Variants in XKR4 observed in about 807,000 individuals in gnomAD.
XKR4 encodes XK related 4, also known as XK-related protein 4.
A neutral mutation model predicts 53.9 loss-of-function variants in XKR4; 12 were observed. The observed-to-expected ratio is 0.22, with a 90% CI of 0.14 to 0.36. The LOEUF (loss-of-function observed/expected upper bound fraction) is 0.36, where lower values mean the gene tolerates loss of function less well. XKR4 is among the 10% of genes least tolerant of loss of function. The pLI, the probability that XKR4 is intolerant of heterozygous loss-of-function variation, is 1.00. For missense variants in XKR4, 799 were observed against 859.5 expected, an observed-to-expected ratio of 0.93 and a Z score of 0.88; for synonymous variants, 354 against 362.4, an observed-to-expected ratio of 0.98 and a Z score of 0.26.
chr8:55,461,183 G>A (rs1345539189), intron 2 of XKR4, among the ~76,000 whole-genome samples: 1 of 152,228 alleles, frequency 6.6e-6, no homozygotes, highest in East Asian at 1.9e-4. Flanking sequence ...CTCCTCAAGT[G>A]GGTCCCTGAA....
chr8:55,380,275 G>GA (rs1477369318), intron 2 of XKR4, among the ~76,000 whole-genome samples: 1 of 152,142 alleles, frequency 6.6e-6, no homozygotes, highest in Admixed American at 6.5e-5. Context: ...GGCATCCTGG[G>GA]AAAAAAATCA....
In XKR4 at chr8:55,141,671, C is replaced by CTCTCTCTCTCTCTCTG. The variant is rs748708972; in HGVS notation, c.806+38378_806+38379insCTCTCTCTCTCTCTGT. ...TCTCTCTCTCTCTCTCTCTCTCTCT[C>CTCTCTCTCTCTCTCTG]TGTGTGTGTGTGTGTGTGTCTCTCT... On this transcript the variant is annotated intron_variant, in intron 1 of 2. Transcript: ENST00000327381. Among the ~76,000 whole-genome samples the CTCTCTCTCTCTCTCTG allele has an allele frequency of 2.9e-3, 388 of 135,176 alleles. 5 individuals carry two copies. The highest frequency in any genetic ancestry group is 7.1e-3 in the East Asian group (32 of 4,486). The allele number at this position is 135,176 out of a possible 152,430, so 88.7% of individuals were successfully genotyped here.
chr8:55,451,066 G>A (rs916302406), intron 2 of XKR4: 3 of 521,932 alleles, frequency 5.7e-6, no homozygotes, highest in African/African-American at 3.8e-5. Context: ...AGCTCTCACT[G>A]CTGCAAGGGG....
intron 2 of XKR4, among the ~76,000 whole-genome samples, chr8:55,489,125 C>T (rs964155146): frequency 5.3e-5 from 8 of 152,046 alleles, no homozygotes; most frequent in Admixed American, 3.9e-4. Flanking sequence ...AGAGTAAACC[C>T]TAATGTAAAC....
chr8:55,211,940 C>A (rs1329435058), intron 1 of XKR4, among the ~76,000 whole-genome samples: 1 of 152,132 alleles, frequency 6.6e-6, no homozygotes, highest in East Asian at 1.9e-4. Flanking sequence ...CATAAGACAT[C>A]AGTCAATACA....
intron 1 of XKR4, among the ~76,000 whole-genome samples, chr8:55,259,005 G>A (rs907985522): frequency 2.0e-5 from 3 of 152,242 alleles, no homozygotes; most frequent in African/African-American, 7.2e-5. Flanking sequence ...ACAGAAGAAA[G>A]ACAGGCTCAA....
At chr8:55,240,521 A>G (rs1204312002) in intron 1 of XKR4, among the ~76,000 whole-genome samples, 1 of 152,206 alleles carries the variant, frequency 6.6e-6, no homozygotes, top group African/African-American at 2.4e-5. Context: ...CAGAGAGAAC[A>G]TGATCAAGTG....
At chr8:55,289,239 G>T (rs1273634364) in intron 1 of XKR4, among the ~76,000 whole-genome samples, 1 of 152,050 alleles carries the variant, frequency 6.6e-6, no homozygotes, top group East Asian at 1.9e-4. Flanking sequence ...TGCCAGGCCA[G>T]TTGAGGTGGC....
chr8:55,258,228 AG>A (rs986678858), intron 1 of XKR4, among the ~76,000 whole-genome samples: 1 of 152,230 alleles, frequency 6.6e-6, no homozygotes, highest in African/African-American at 2.4e-5. Context: ...GGAAAGCGAC[AG>A]ACAGGTTTTA....
chr8:55,422,079 A>G (rs1804943594), intron 2 of XKR4, among the ~76,000 whole-genome samples: 1 of 152,232 alleles, frequency 6.6e-6, no homozygotes, highest in Non-Finnish European at 1.5e-5. Flanking sequence ...TACAAGACTA[A>G]AATATTAGTG....
intron 1 of XKR4, among the ~76,000 whole-genome samples, chr8:55,247,002 A>G (rs1482125548): frequency 6.6e-6 from 1 of 152,222 alleles, no homozygotes; most frequent in African/African-American, 2.4e-5. Flanking sequence ...AGTCATGACA[A>G]AGCCAAGCCA....
rs541918628 is a variant in XKR4, at chr8:55,235,253, G to T, written c.807-122425G>T. Among the ~76,000 whole-genome samples the T allele has an allele frequency of 2.6e-5, 4 of 152,180 alleles. No homozygotes were observed. In the South Asian group the frequency reaches 8.3e-4, roughly 32 times the overall value. Reference sequence around the variant, plus strand: ...AATGATTCTGGCCATTGGATTTAGGGCCCACCCTGATCCAGCGTGATCTCA... The same window carrying T: ...AATGATTCTGGCCATTGGATTTAGGTCCCACCCTGATCCAGCGTGATCTCA... On this transcript the variant is annotated intron_variant, in intron 1 of 2. Transcript: ENST00000327381.
At chr8:55,235,628 C>A (rs1427955608) in intron 1 of XKR4, among the ~76,000 whole-genome samples, 1 of 152,126 alleles carries the variant, frequency 6.6e-6, no homozygotes, top group Non-Finnish European at 1.5e-5. Context: ...CCCACCACAC[C>A]AACTGTCTCC....
At chr8:55,255,704 A>G (rs1818429521) in intron 1 of XKR4, among the ~76,000 whole-genome samples, 1 of 152,144 alleles carries the variant, frequency 6.6e-6, no homozygotes, top group Non-Finnish European at 1.5e-5. Flanking sequence ...CTCGAGAAAA[A>G]CTACACAAAT....
At chr8:55,481,094 A>C (rs1806095033) in intron 2 of XKR4, among the ~76,000 whole-genome samples, 1 of 152,226 alleles carries the variant, frequency 6.6e-6, no homozygotes, top group Non-Finnish European at 1.5e-5. Context: ...TTGCCAAGTC[A>C]ATCCTAAGCC....
chr8:55,455,834 GGT>G (rs1357508785), intron 2 of XKR4, among the ~76,000 whole-genome samples: 4 of 152,212 alleles, frequency 2.6e-5, no homozygotes, highest in African/African-American at 9.6e-5. Context: ...GTCATCAGGA[GGT>G]AGGAGCTTTA....
At chr8:55,229,263 G>A (rs966179956) in intron 1 of XKR4, among the ~76,000 whole-genome samples, 2 of 152,154 alleles carry the variant, frequency 1.3e-5, no homozygotes, top group East Asian at 1.9e-4. Flanking sequence ...ATTTCCACAC[G>A]GCACCTCAGA....
chr8:55,164,300 G>T (rs891023647), intron 1 of XKR4: 53 of 455,552 alleles, frequency 1.2e-4, no homozygotes, highest in African/African-American at 8.8e-4. Flanking sequence ...CTAGTGGGCA[G>T]GATGCTGTCA....
At chr8:55,397,957 C>A (rs1804546363) in intron 2 of XKR4, among the ~76,000 whole-genome samples, 1 of 152,158 alleles carries the variant, frequency 6.6e-6, no homozygotes, top group African/African-American at 2.4e-5. Flanking sequence ...CTTTGACATC[C>A]CCCATGTATG....
Sources: allele counts gnomAD v4.1 joint callset (sites outside exome capture counted in the v4.1 genomes callset), GRCh38; gene constraint gnomAD v4.1.1; transcripts MANE v1.5; gene names NCBI Gene and HGNC (gene_info 2026-07-23, HGNC 2026-07-21).